Variants in CALN1 observed in about 807,000 individuals in gnomAD.
CALN1 encodes the protein calneuron 1, also known as calcium-binding protein 8.
CALN1 carries 17 observed loss-of-function variants against 30.6 expected under a neutral mutation model. That is an observed-to-expected ratio of 0.56 (90% confidence interval 0.38 to 0.83). CALN1 has a LOEUF of 0.83. Among genes scored for constraint, CALN1 ranks in the 40% least tolerant of loss-of-function variants. CALN1 has a pLI of 0.00. For missense variants in CALN1, 291 were observed against 354.9 expected (o/e 0.82, Z 1.45); for synonymous variants, 156 against 131.4 (o/e 1.19, Z -1.28).
At chr7:72,153,208 C>A (rs1477520578) in intron 3 of CALN1, among the ~76,000 whole-genome samples, 1 of 152,164 alleles carries the variant, frequency 6.6e-6, no homozygotes, top group Admixed American at 6.5e-5. Context: ...ATCTTACCTG[C>A]CAGGGGACAT....
At chr7:72,132,538 TA>T (rs1809225883) in intron 3 of CALN1, among the ~76,000 whole-genome samples, 1 of 152,078 alleles carries the variant, frequency 6.6e-6, no homozygotes, top group African/African-American at 2.4e-5. Context: ...ATAGGTTGCT[TA>T]AAAAAATTAT....
Position 71,784,819 on chromosome 7 carries a change from A to G in CALN1, c.*2956T>C, listed in dbSNP as rs919176807. ...TCACTTCCAGCTGGGGCTACATGGC[A>G]TCCCTTGGGCATGGGAGACCAGGAC... On this transcript the variant is annotated 3_prime_UTR_variant, in exon 7 of 7. Transcript: ENST00000395275. The G allele has an allele frequency of 2.5e-6, 1 of 398,648 alleles. No homozygotes were observed. The allele number at this position is 398,648 out of a possible 1,614,324, so 24.7% of individuals were successfully genotyped here.
chr7:72,403,178 G>A (rs555671862), intron 2 of CALN1, 73 bp downstream of exon 2: 4 of 1,202,136 alleles, frequency 3.3e-6, no homozygotes, highest in Admixed American at 2.2e-5. Context: ...AAAGCCTCCT[G>A]GACCCCGCGC....
At chr7:72,352,948 A>C (rs1803014028) in intron 2 of CALN1, among the ~76,000 whole-genome samples, 1 of 152,234 alleles carries the variant, frequency 6.6e-6, no homozygotes, top group South Asian at 2.1e-4. Flanking sequence ...TAACAAGGGA[A>C]TATTATAAAG....
chr7:72,028,057 T>A (rs1801195104), intron 4 of CALN1, among the ~76,000 whole-genome samples: 1 of 43,090 alleles, frequency 2.3e-5, no homozygotes, highest in Non-Finnish European at 5.5e-5. Context: ...AGACTCCGTC[T>A]CAAAAAAAAA....
chr7:71,938,578 C>T (rs1795964699), intron 5 of CALN1, among the ~76,000 whole-genome samples: 1 of 152,030 alleles, frequency 6.6e-6, no homozygotes, highest in East Asian at 1.9e-4. Flanking sequence ...GGGCAGATCA[C>T]GAGGTCAGGA....
intron 3 of CALN1, among the ~76,000 whole-genome samples, chr7:72,269,567 C>A (rs1796836282): frequency 6.6e-6 from 1 of 152,160 alleles, no homozygotes; most frequent in Non-Finnish European, 1.5e-5. Context: ...ATTAGTACTC[C>A]AGGCATCCAG....
At chr7:72,205,785 C>T (rs1197465315) in intron 3 of CALN1, among the ~76,000 whole-genome samples, 1 of 151,422 alleles carries the variant, frequency 6.6e-6, no homozygotes, top group Non-Finnish European at 1.5e-5. Flanking sequence ...ACCTACAGTG[C>T]AATCTCTAAC....
At chr7:72,173,204 A>G (rs1018932116) in intron 3 of CALN1, among the ~76,000 whole-genome samples, 1 of 152,142 alleles carries the variant, frequency 6.6e-6, no homozygotes, top group Non-Finnish European at 1.5e-5. Flanking sequence ...TTCCATCTGC[A>G]GTAGTATTAA....
intron 2 of CALN1, among the ~76,000 whole-genome samples, chr7:72,388,280 G>A (rs952942387): frequency 2.0e-5 from 3 of 151,932 alleles, no homozygotes; most frequent in Non-Finnish European, 4.4e-5. Flanking sequence ...TTAAAAAGGG[G>A]CACGTCCTTT....
At chr7:72,185,504 T>C (rs1382017281) in intron 3 of CALN1, among the ~76,000 whole-genome samples, 3 of 152,160 alleles carry the variant, frequency 2.0e-5, no homozygotes, top group Non-Finnish European at 4.4e-5. Context: ...AGTAGAGTAA[T>C]GGCCCTCCAA....
intron 5 of CALN1, among the ~76,000 whole-genome samples, chr7:71,941,660 G>A (rs1276736113): frequency 6.6e-6 from 1 of 152,176 alleles, no homozygotes; most frequent in Non-Finnish European, 1.5e-5. Flanking sequence ...TCAGATAAAT[G>A]TTCATGAGAA....
At chr7:72,407,863 G>A (rs1187751291) in intron 1 of CALN1, among the ~76,000 whole-genome samples, 6 of 152,126 alleles carry the variant, frequency 3.9e-5, no homozygotes, top group African/African-American at 9.7e-5. Context: ...GTAGCCTCAC[G>A]GAGCTCAGAG....
chr7:72,010,984 CT>C (rs1373869693), intron 5 of CALN1, among the ~76,000 whole-genome samples: 1 of 151,576 alleles, frequency 6.6e-6, no homozygotes, highest in Non-Finnish European at 1.5e-5. Flanking sequence ...GAAACCTTGT[CT>C]CTTCTAAAAA....
chr7:72,503,881 G>A, the CALN1 span, among the ~76,000 whole-genome samples: 14 of 152,120 alleles, frequency 9.2e-5, no homozygotes, highest in Admixed American at 9.2e-4. Flanking sequence ...GTCAAGGCGA[G>A]AATGCCTTGG....
chr7:71,990,526 C>A (rs968727900), intron 5 of CALN1, among the ~76,000 whole-genome samples: 71 of 151,762 alleles, frequency 4.7e-4, no homozygotes, highest in Non-Finnish European at 1.3e-4. Context: ...AATCTCGGCT[C>A]ACTATAACCT....
At chr7:72,259,083 T>C (rs568318640) in intron 3 of CALN1, among the ~76,000 whole-genome samples, 127 of 150,420 alleles carry the variant, frequency 8.4e-4, no homozygotes, top group African/African-American at 2.9e-3. Context: ...TCCATTTCAA[T>C]TTAAAATATA....
chr7:72,149,732 T>C (rs1006311263), intron 3 of CALN1, among the ~76,000 whole-genome samples: 1 of 152,056 alleles, frequency 6.6e-6, no homozygotes, highest in Non-Finnish European at 1.5e-5. Context: ...TGAAATCTTT[T>C]CTCTTTTGCA....
intron 2 of CALN1, among the ~76,000 whole-genome samples, chr7:72,355,511 G>C (rs35841135): frequency 0.37 from 55,708 of 152,052 alleles, 11,003 homozygotes; most frequent in Admixed American, 0.45. Flanking sequence ...GGGCAACAGA[G>C]TGAGACTGTC....
Sources: gnomAD v4.1 joint callset for allele counts (sites outside exome capture counted in the v4.1 genomes callset) on GRCh38, gnomAD v4.1.1 for gene constraint, MANE v1.5 for transcripts, NCBI Gene and HGNC (gene_info 2026-07-23, HGNC 2026-07-21) for gene names.